Variants in CSTPP1 observed in about 807,000 individuals in gnomAD.
CSTPP1 encodes centriolar satellite-associated tubulin polyglutamylase complex regulator 1, also known as UPF0705 protein C11orf49.
the CSTPP1 span, chr11:47,161,015 G>C: frequency 4.3e-6 from 6 of 1,388,314 alleles, no homozygotes; most frequent in Non-Finnish European, 6.0e-6. Context: ...CTTTAGATCG[G>C]CCCTCGCAGG....
chr11:47,104,969 G>A, the CSTPP1 span, among the ~76,000 whole-genome samples: 2 of 152,210 alleles, frequency 1.3e-5, no homozygotes, highest in East Asian at 1.9e-4. Flanking sequence ...AATTCTCCAG[G>A]TCAACCTGCA....
the CSTPP1 span, chr11:47,004,374 T>A: frequency 6.6e-6 from 1 of 151,910 alleles, no homozygotes; most frequent in Non-Finnish European, 1.5e-5. Flanking sequence ...GAGACGGGTC[T>A]CATTTTATTG....
At chr11:46,970,492 C>T in the CSTPP1 span, among the ~76,000 whole-genome samples, 1 of 151,222 alleles carries the variant, frequency 6.6e-6, no homozygotes. Context: ...GTTCATGCCT[C>T]ATACCATATG....
At chr11:47,155,118 C>G in the CSTPP1 span, 1 of 1,381,046 alleles carries the variant, frequency 7.2e-7, no homozygotes. Flanking sequence ...CCCTCTCTCC[C>G]TCCCCTCCTT....
the CSTPP1 span, among the ~76,000 whole-genome samples, chr11:47,027,869 G>A: frequency 2.0e-5 from 3 of 151,846 alleles, no homozygotes; most frequent in African/African-American, 7.3e-5. Flanking sequence ...AGAAGAAGAT[G>A]AAGAAGATTG....
chr11:47,132,176 C>T, the CSTPP1 span, among the ~76,000 whole-genome samples: 1 of 152,192 alleles, frequency 6.6e-6, no homozygotes, highest in Non-Finnish European at 1.5e-5. Flanking sequence ...GGTTTCTCCT[C>T]ATACCCCTGT....
chr11:46,945,646 A>T, the CSTPP1 span, among the ~76,000 whole-genome samples: 2 of 152,066 alleles, frequency 1.3e-5, no homozygotes, highest in African/African-American at 4.8e-5. Flanking sequence ...TAAAATAATT[A>T]TGAACATGTT....
the CSTPP1 span, chr11:47,137,400 T>C: frequency 8.0e-6 from 12 of 1,502,772 alleles, no homozygotes; most frequent in Admixed American, 6.0e-5. Flanking sequence ...CCAATTTTCA[T>C]ACCAGTGAAG....
chr11:47,007,942 A>G, the CSTPP1 span, among the ~76,000 whole-genome samples: 1 of 152,050 alleles, frequency 6.6e-6, no homozygotes, highest in Non-Finnish European at 1.5e-5. Context: ...CCAGCCCCCA[A>G]CGTGGGTGGG....
the CSTPP1 span, among the ~76,000 whole-genome samples, chr11:46,966,328 A>G: frequency 6.6e-6 from 1 of 152,200 alleles, no homozygotes; most frequent in African/African-American, 2.4e-5. Context: ...GGCGTGAGCC[A>G]CCGCGCCTGG....
At chr11:47,120,351 C>G in the CSTPP1 span, among the ~76,000 whole-genome samples, 1 of 152,060 alleles carries the variant, frequency 6.6e-6, no homozygotes, top group African/African-American at 2.4e-5. This position sits in a 1 kb window ranked among gnomAD's most constrained non-coding sequence, Gnocchi z 4.2. Context: ...TCTAATGGGA[C>G]CTTGGAACCC....
the CSTPP1 span, chr11:47,157,290 C>G: frequency 8.2e-6 from 12 of 1,472,340 alleles, no homozygotes; most frequent in Non-Finnish European, 1.1e-5. Context: ...GAACAGAGCT[C>G]CGCAGGATGT....
the CSTPP1 span, chr11:47,161,715 T>G: frequency 2.0e-6 from 3 of 1,516,612 alleles, no homozygotes; most frequent in Non-Finnish European, 2.6e-6. Flanking sequence ...CAGCCTCCTC[T>G]CCAGCACCTT....
the CSTPP1 span, among the ~76,000 whole-genome samples, chr11:46,992,306 GTA>G: frequency 6.6e-6 from 1 of 151,424 alleles, no homozygotes; most frequent in Admixed American, 6.6e-5. Flanking sequence ...TGTTACATAT[GTA>G]TACATGTGCC....
At chr11:47,126,016 C>CAA in the CSTPP1 span, among the ~76,000 whole-genome samples, 4 of 108,834 alleles carry the variant, frequency 3.7e-5, no homozygotes, top group Non-Finnish European at 2.0e-5. Context: ...GACTCTGTCT[C>CAA]AAAAAAAAAA....
At chr11:46,942,279 C>A in the CSTPP1 span, among the ~76,000 whole-genome samples, 2 of 152,274 alleles carry the variant, frequency 1.3e-5, no homozygotes, top group African/African-American at 4.8e-5. Context: ...AGGTTTCCAG[C>A]CTTATGAAAC....
the CSTPP1 span, among the ~76,000 whole-genome samples, chr11:47,102,989 G>A: frequency 3.8e-3 from 459 of 120,398 alleles, no homozygotes; most frequent in Non-Finnish European, 3.6e-3. Context: ...GTGCCTCACA[G>A]AAAAAAAAAA....
At chr11:47,081,934 C>T in the CSTPP1 span, among the ~76,000 whole-genome samples, 1 of 149,190 alleles carries the variant, frequency 6.7e-6, no homozygotes, top group African/African-American at 2.5e-5. Context: ...TACAAAAAAA[C>T]CTTTTTTTTT....
the CSTPP1 span, among the ~76,000 whole-genome samples, chr11:46,969,894 A>T: frequency 6.6e-6 from 1 of 152,174 alleles, no homozygotes; most frequent in Non-Finnish European, 1.5e-5. Context: ...CCTCCCAAGT[A>T]GCAGGGATTA....
Sources: allele counts gnomAD v4.1 joint callset (sites outside exome capture counted in the v4.1 genomes callset), GRCh38; gene constraint gnomAD v4.1.1; non-coding constraint Gnocchi (gnomAD v3.1); transcripts MANE v1.5; gene names NCBI Gene and HGNC (gene_info 2026-07-23, HGNC 2026-07-21).